The following SLC35A3 variants were observed in gnomAD, a reference collection of about 807,000 sequenced individuals.
SLC35A3 encodes UDP-N-acetylglucosamine transporter.
SLC35A3 carries 26 observed loss-of-function variants against 39.0 expected under a neutral mutation model. The ratio of observed to expected loss-of-function variants is 0.67; its 90% CI spans 0.49 to 0.92. The LOEUF is 0.92. SLC35A3 is among the 40% of genes least tolerant of loss of function. SLC35A3 has a pLI of 0.00. For missense variants in SLC35A3, 299 were observed against 371.6 expected (o/e 0.80, Z 1.61); for synonymous variants, 135 against 133.1 (o/e 1.01, Z -0.10).
rs558446865 is a variant in SLC35A3, at chr1:99,979,655, G to A, written c.-19+9493G>A. Among the ~76,000 whole-genome samples, 467 of 151,242 alleles carry A rather than the reference G, an allele frequency of 3.1e-3. 3 individuals carry two copies. Among genetic ancestry groups the A allele is most frequent in the Non-Finnish European group, 5.3e-3 (358 of 67,776 alleles). ...TCACCGTGTTAGCCAGGATGGTCTC[G>A]ATCTCCTCTATCTCGTGATCTGCCC... On this transcript the variant is annotated intron_variant, in intron 1 of 7. Coordinates refer to ENST00000533028, the MANE Select transcript of SLC35A3 (RefSeq NM_012243.3).
intron 1 of SLC35A3, among the ~76,000 whole-genome samples, chr1:99,986,340 T>G (rs1657740451): frequency 6.6e-6 from 1 of 151,820 alleles, no homozygotes; most frequent in South Asian, 2.1e-4. Context: ...AATTTTTGTA[T>G]TTTTTAGGAG....
rs1292893829 is a variant in SLC35A3, at chr1:100,026,761, A to G, written c.*4285A>G. ...TAATTTGGATCCTGACTTTGTCTAT[A>G]TCTGTATTTCATTTGTTTAGAAAGA... On this transcript the variant is annotated 3_prime_UTR_variant, in exon 8 of 8. Transcript: ENST00000533028. 5 of 154,542 alleles carry G rather than the reference A, an allele frequency of 3.2e-5. No individual in the cohort carries two copies. Among genetic ancestry groups the G allele is most frequent in the African/African-American group, 9.6e-5 (4 of 41,558 alleles). The allele number at this position is 154,542 out of a possible 1,614,324, so 9.6% of individuals were successfully genotyped here.
At chr1:100,016,499 A>G (rs1297470885) in intron 6 of SLC35A3, among the ~76,000 whole-genome samples, 29 of 146,244 alleles carry the variant, frequency 2.0e-4, no homozygotes, top group Non-Finnish European at 6.0e-5. Context: ...TCAGCCTCCC[A>G]AGTAGCTGGG....
chr1:100,006,159 G>T (rs1001479726), intron 3 of SLC35A3, among the ~76,000 whole-genome samples: 3 of 152,150 alleles, frequency 2.0e-5, no homozygotes, highest in Admixed American at 1.3e-4. Context: ...GACTGAAGTT[G>T]TTAGTGGAGG....
Position 100,032,934 on chromosome 1 carries a change from C to T in SLC35A3, c.*10458C>T, listed in dbSNP as rs530503127. ...AATCTGAGGCTTACCTTATATTTGTCTTGTTCCAAATTTGGATTATCAGCT... is the reference window on the plus strand; with the variant it reads ...AATCTGAGGCTTACCTTATATTTGTTTTGTTCCAAATTTGGATTATCAGCT... On this transcript the variant is annotated 3_prime_UTR_variant, in exon 8 of 8. Transcript: ENST00000533028. The T allele has an allele frequency of 6.6e-6, 1 of 152,274 alleles. No homozygotes were observed. The highest frequency in any genetic ancestry group is 6.5e-5 in the Admixed American group (1 of 15,290). 9.4% of individuals were successfully genotyped at this position (152,274 alleles called of 1,614,324 possible). A position where few individuals can be genotyped will look rare whatever the true frequency, so the allele number is the denominator to read the frequency against.
rs147837382 is a variant in SLC35A3 at position 99,999,945 on chromosome 1, T to A, written c.342+530T>A. ...GCAAATGACAGGATCTCATTCTTGT[T>A]ATATCTGAATAGTATTTCTTTATGC... On this transcript the variant is annotated intron_variant, in intron 3 of 7. Transcript: ENST00000533028. Among the ~76,000 whole-genome samples the A allele has an allele frequency of 5.9e-3, 902 of 152,290 alleles. 6 individuals carry two copies. The highest frequency in any genetic ancestry group is 0.021 in the African/African-American group (870 of 41,576).
intron 2 of SLC35A3, among the ~76,000 whole-genome samples, chr1:99,998,004 C>T (rs1479444153): frequency 6.6e-6 from 1 of 152,074 alleles, no homozygotes; most frequent in Non-Finnish European, 1.5e-5. Flanking sequence ...GGCACCTTGA[C>T]CCATTAGTGG....
intron 1 of SLC35A3, among the ~76,000 whole-genome samples, chr1:99,976,382 A>T (rs1657107379): frequency 6.6e-6 from 1 of 152,234 alleles, no homozygotes; most frequent in South Asian, 2.1e-4. Flanking sequence ...CGAATATTGG[A>T]ATCTTGTTCT....
intron 1 of SLC35A3, among the ~76,000 whole-genome samples, chr1:99,980,375 T>C (rs1657387911): frequency 6.6e-6 from 1 of 152,194 alleles, no homozygotes; most frequent in South Asian, 2.1e-4. Context: ...AGTTCATTTT[T>C]ACATGGCACC....
At chr1:100,014,772 C>G (rs1428907711) in intron 5 of SLC35A3, among the ~76,000 whole-genome samples, 1 of 152,066 alleles carries the variant, frequency 6.6e-6, no homozygotes, top group African/African-American at 2.4e-5. Context: ...ATGTCTTTGT[C>G]TTTTTACATT....
Position 100,024,327 on chromosome 1 carries a change from T to A in SLC35A3, c.*1851T>A, listed in dbSNP as rs955526878. Reference sequence around the variant, plus strand: ...CAGCACTTTGGGAGGCCGAGGCGGGTGGATCACAAGGTCAGGAATTCGAGA... The same window carrying A: ...CAGCACTTTGGGAGGCCGAGGCGGGAGGATCACAAGGTCAGGAATTCGAGA... On this transcript the variant is annotated 3_prime_UTR_variant, in exon 8 of 8. Transcript: ENST00000533028. The A allele has an allele frequency of 6.6e-6, 1 of 151,562 alleles. No homozygotes were observed. The highest frequency in any genetic ancestry group is 1.5e-5 in the Non-Finnish European group (1 of 67,938). 9.4% of individuals were successfully genotyped at this position (151,562 alleles called of 1,614,324 possible).
At chr1:99,978,492 C>T (rs1478477103) in intron 1 of SLC35A3, among the ~76,000 whole-genome samples, 1 of 152,136 alleles carries the variant, frequency 6.6e-6, no homozygotes, top group Admixed American at 6.5e-5. Flanking sequence ...TGCCACTGCA[C>T]TCCAGCCTGG....
In SLC35A3 at chr1:100,034,175, C is replaced by T. The variant is rs1661385645; in HGVS notation, c.*11699C>T. The T allele has an allele frequency of 6.6e-6, 1 of 151,952 alleles. No individual in the cohort carries two copies. The highest frequency in any genetic ancestry group is 1.5e-5 in the Non-Finnish European group (1 of 67,982). 9.4% of individuals were successfully genotyped at this position (151,952 alleles called of 1,614,324 possible). On this transcript the variant is annotated 3_prime_UTR_variant, in exon 8 of 8. Coordinates refer to ENST00000533028, the MANE Select transcript of SLC35A3 (RefSeq NM_012243.3). ...TGTTTGTTGTTTTTTACCTAGAGAC[C>T]CAGATAATTTTTTCTATATTATTTT...
chr1:100,003,061 A>G (rs566151234), intron 3 of SLC35A3, among the ~76,000 whole-genome samples: 2 of 151,878 alleles, frequency 1.3e-5, no homozygotes, highest in South Asian at 4.2e-4. Flanking sequence ...CCCTTTTGTC[A>G]CTGCTTTTGC....
Position 100,022,516 on chromosome 1 carries a change from T to A in SLC35A3, c.*40T>A. On this transcript the variant is annotated 3_prime_UTR_variant, in exon 8 of 8. Transcript: ENST00000533028. ...TAACTGGTTTTTCACGATGGGGCAC[T>A]AGGAATCTCGACATTAATCTTGCAC... 1.9e-6 allele frequency: 2 copies of A among 1,057,072 alleles called. No homozygotes were observed. The highest frequency in any genetic ancestry group is 2.9e-6 in the Non-Finnish European group (2 of 690,578). 65.5% of individuals were successfully genotyped at this position (1,057,072 alleles called of 1,614,324 possible). A position where few individuals can be genotyped will look rare whatever the true frequency, so the allele number is the denominator to read the frequency against.
At chr1:99,994,597 C>T (rs1428257278) in intron 2 of SLC35A3, among the ~76,000 whole-genome samples, 1 of 152,138 alleles carries the variant, frequency 6.6e-6, no homozygotes, top group East Asian at 1.9e-4. Context: ...GATTTGTTCA[C>T]GTTGTAACAT....
In SLC35A3 at chr1:99,999,242, T is replaced by A; in HGVS notation, c.188-19T>A. ...TTCAGAGTTACTTAATTACTGATTT[T>A]TCTCATATTATTTTCTAGAATGTAG... On this transcript the variant is annotated intron_variant, in intron 2 of 7. Transcript: ENST00000533028. The A allele has an allele frequency of 6.8e-7, 1 of 1,462,266 alleles. No individual in the cohort carries two copies. The allele number at this position is 1,462,266 out of a possible 1,614,324, so 90.6% of individuals were successfully genotyped here. A position where few individuals can be genotyped will look rare whatever the true frequency, so the allele number is the denominator to read the frequency against.
chr1:100,029,878 A>G lies in SLC35A3; in HGVS notation c.*7402A>G, dbSNP rs1396200923. ...ATATATATATAGAGAGAGAGAGAGC[A>G]TAGTATTGTCATTTAGTTTTCACTT... On this transcript the variant is annotated 3_prime_UTR_variant, in exon 8 of 8. Transcript: ENST00000533028. The G allele has an allele frequency of 6.6e-6, 1 of 152,170 alleles. No individual in the cohort carries two copies. The highest frequency in any genetic ancestry group is 1.5e-5 in the Non-Finnish European group (1 of 68,024). 9.4% of individuals were successfully genotyped at this position (152,170 alleles called of 1,614,324 possible).
chr1:99,982,420 C>G (rs1177010538), intron 1 of SLC35A3, among the ~76,000 whole-genome samples: 1 of 151,826 alleles, frequency 6.6e-6, no homozygotes, highest in Non-Finnish European at 1.5e-5. Flanking sequence ...ATCAGTATCT[C>G]ATTAGTTTGG....
Sources: allele counts gnomAD v4.1 joint callset (sites outside exome capture counted in the v4.1 genomes callset), GRCh38; gene constraint gnomAD v4.1.1; transcripts MANE v1.5; gene names NCBI Gene and HGNC (gene_info 2026-07-23, HGNC 2026-07-21).